The following ATP8A2 variants were observed in gnomAD, a reference collection of about 807,000 sequenced individuals.
ATP8A2 encodes ATPase phospholipid transporting 8A2, also known as phospholipid-transporting ATPase IB.
Under a neutral mutation model 165.6 loss-of-function variants are expected in ATP8A2, and 100 were observed. The observed-to-expected ratio is 0.60, with a 90% confidence interval of 0.51 to 0.71. The LOEUF (loss-of-function observed/expected upper bound fraction) is 0.71. Among genes scored for constraint, ATP8A2 ranks in the 30% least tolerant of loss-of-function variants. ATP8A2 has a pLI of 0.00. For missense variants in ATP8A2, 1,227 were observed against 1,479.5 expected, an observed-to-expected ratio of 0.83 and a Z score of 2.80; for synonymous variants, 543 against 548.8, an observed-to-expected ratio of 0.99 and a Z score of 0.15.
chr13:25,489,578 G>A (rs972480034), intron 2 of ATP8A2, among the ~76,000 whole-genome samples: 4 of 151,948 alleles, frequency 2.6e-5, no homozygotes, highest in African/African-American at 9.7e-5. Flanking sequence ...GTTTCCCCTC[G>A]CATCCTCCCC....
At chr13:25,432,911 G>A (rs1297777191) in intron 1 of ATP8A2, among the ~76,000 whole-genome samples, 2 of 152,184 alleles carry the variant, frequency 1.3e-5, no homozygotes, top group Non-Finnish European at 2.9e-5. Flanking sequence ...CGGCACATGT[G>A]TTGTCTAAAG....
At chr13:25,951,215 G>GGCCCAAACTGGAAATA (rs1204971808) in intron 33 of ATP8A2, among the ~76,000 whole-genome samples, 3 of 152,112 alleles carry the variant, frequency 2.0e-5, no homozygotes, top group Non-Finnish European at 2.9e-5. Flanking sequence ...CTTAATAATA[G>GGCCCAAACTGGAAATA]GCCCAAACTG....
At chr13:25,487,726 C>G (rs534895424) in intron 2 of ATP8A2, among the ~76,000 whole-genome samples, 6 of 152,282 alleles carry the variant, frequency 3.9e-5, no homozygotes, top group African/African-American at 1.4e-4. Flanking sequence ...GAAATGTTTT[C>G]TTTTTGCACT....
At position 25,372,881 on chromosome 13, in the gene ATP8A2, GCACA is replaced by G. The variant is rs150904277; in HGVS notation, c.76+604_76+607del. 1.3e-5 allele frequency among the ~76,000 whole-genome samples: 2 copies of G among 151,468 alleles called. No homozygotes were observed. The highest frequency in any genetic ancestry group is 2.4e-5 in the African/African-American group (1 of 41,264). ...CGAACACACACACGCACACGCGCGC[GCACA>G]CACACACACAGGTACACACACACGT... On this transcript the variant is annotated intron_variant, in intron 1 of 36. Coordinates refer to ENST00000381655, the MANE Select transcript of ATP8A2 (RefSeq NM_016529.6). This position sits in a 1 kb window ranked among gnomAD's most constrained non-coding sequence, Gnocchi z 4.8.
At chr13:26,009,837 G>A (rs1036595703) in intron 35 of ATP8A2, among the ~76,000 whole-genome samples, 2 of 152,176 alleles carry the variant, frequency 1.3e-5, no homozygotes, top group African/African-American at 2.4e-5. Context: ...AGGCTGAAGT[G>A]GGCGGATCAC....
intron 35 of ATP8A2, among the ~76,000 whole-genome samples, chr13:25,996,701 TGA>T (rs1956515145): frequency 6.6e-6 from 1 of 152,156 alleles, no homozygotes; most frequent in Non-Finnish European, 1.5e-5. Context: ...AATTTTTTTT[TGA>T]GACGGAGTCT....
At chr13:25,719,313 A>G (rs760346462) in intron 25 of ATP8A2, among the ~76,000 whole-genome samples, 69 of 152,232 alleles carry the variant, frequency 4.5e-4, no homozygotes, top group Middle Eastern at 3.4e-3. Context: ...TGCTTTGGCA[A>G]GATTGGTTTT....
intron 2 of ATP8A2, among the ~76,000 whole-genome samples, chr13:25,512,646 C>CA (rs2037278274): frequency 7.0e-6 from 1 of 143,588 alleles, no homozygotes; most frequent in Admixed American, 6.8e-5. Context: ...GCTGACCCCC[C>CA]ACCTCCCTCC....
At chr13:25,613,585 CA>C (rs1229321591) in intron 24 of ATP8A2, among the ~76,000 whole-genome samples, 2 of 151,964 alleles carry the variant, frequency 1.3e-5, no homozygotes, top group African/African-American at 4.8e-5. Context: ...AAAAACAAAA[CA>C]AAAAAACAAA....
chr13:25,403,519 T>C (rs1252713267), intron 1 of ATP8A2, among the ~76,000 whole-genome samples: 1 of 152,212 alleles, frequency 6.6e-6, no homozygotes, highest in Non-Finnish European at 1.5e-5. Context: ...AGTTGAGTTG[T>C]GGATCCTATC....
chr13:25,876,468 G>A (rs1952822198), intron 33 of ATP8A2, among the ~76,000 whole-genome samples: 1 of 152,186 alleles, frequency 6.6e-6, no homozygotes, highest in African/African-American at 2.4e-5. Flanking sequence ...CGAGGAGCCT[G>A]ACTGTGATGG....
At chr13:25,472,579 A>G (rs2035877455) in intron 2 of ATP8A2, among the ~76,000 whole-genome samples, 1 of 152,096 alleles carries the variant, frequency 6.6e-6, no homozygotes, top group African/African-American at 2.4e-5. Context: ...TAATGAAGCT[A>G]TTCAAAGGAA....
intron 1 of ATP8A2, among the ~76,000 whole-genome samples, chr13:25,382,527 C>T (rs1425055326): frequency 2.0e-5 from 3 of 152,148 alleles, no homozygotes; most frequent in Non-Finnish European, 2.9e-5. Context: ...TCCAAAGTGG[C>T]TGTACCATTT....
Position 25,579,915 on chromosome 13 carries a change from C to A in ATP8A2, c.1975C>A (p.Arg659=), listed in dbSNP as rs781704454. Reference sequence around the variant, plus strand: ...CACCATATTGAAGGACAGAGCTCAACGGTTGGAAGAGTGTTACGAGATCAT... The same window carrying A: ...CACCATATTGAAGGACAGAGCTCAAAGGTTGGAAGAGTGTTACGAGATCAT... ...ASTILKDRAQ[R]LEECYEIIEK... The change falls in exon 22 of 37, where the codon CGG becomes AGG. Residue 659 remains arginine (R), a synonymous_variant. Transcript: ENST00000381655. 2 of 1,613,942 alleles carry A rather than the reference C, an allele frequency of 1.2e-6. No individual in the cohort carries two copies. Among genetic ancestry groups the A allele is most frequent in the South Asian group, 1.1e-5 (1 of 91,068 alleles).
chr13:25,447,247 T>G (rs2035094246), intron 1 of ATP8A2, among the ~76,000 whole-genome samples: 1 of 152,220 alleles, frequency 6.6e-6, no homozygotes, highest in African/African-American at 2.4e-5. Context: ...CCTTAATTGT[T>G]AAGTAAAAAC....
intron 8 of ATP8A2, among the ~76,000 whole-genome samples, 194 bp downstream of exon 8, chr13:25,540,582 C>T (rs778678789): frequency 6.6e-6 from 1 of 152,162 alleles, no homozygotes; most frequent in Non-Finnish European, 1.5e-5. Context: ...GCATCAAACT[C>T]TAGGTCATGC....
chr13:25,716,606 T>C (rs975708191), intron 25 of ATP8A2, among the ~76,000 whole-genome samples: 2 of 152,226 alleles, frequency 1.3e-5, no homozygotes, highest in African/African-American at 4.8e-5. Context: ...CTTGGCCAGA[T>C]GTATATTTTT....
At chr13:25,559,201 T>A (rs2039069839) in intron 14 of ATP8A2, 140 bp downstream of exon 14, 1 of 614,818 alleles carries the variant, frequency 1.6e-6, no homozygotes, top group Admixed American at 3.2e-5. Context: ...TGTTTGTAAC[T>A]GAATGGATCC....
At chr13:25,393,753 C>T (rs1243046768) in intron 1 of ATP8A2, among the ~76,000 whole-genome samples, 1 of 152,202 alleles carries the variant, frequency 6.6e-6, no homozygotes, top group Non-Finnish European at 1.5e-5. Flanking sequence ...ATATAACTTA[C>T]AGCATCTTAG....
Sources: gnomAD v4.1 joint callset for allele counts (sites outside exome capture counted in the v4.1 genomes callset) on GRCh38, gnomAD v4.1.1 for gene constraint, Gnocchi (gnomAD v3.1) non-coding constraint, MANE v1.5 for transcripts, NCBI Gene and HGNC (gene_info 2026-07-23, HGNC 2026-07-21) for gene names.